ETNK1: variants seen among roughly 807,000 people sequenced by gnomAD.
ETNK1 encodes the protein ethanolamine kinase 1.
Under a neutral mutation model 45.1 loss-of-function variants are expected in ETNK1, and 8 were observed. That is an observed-to-expected ratio of 0.18 (90% CI 0.10 to 0.32). The LOEUF (loss-of-function observed/expected upper bound fraction) is 0.32, where lower values mean the gene tolerates loss of function less well. ETNK1 is among the 10% of genes least tolerant of loss of function. ETNK1 has a pLI of 1.00. For synonymous variants in ETNK1, 152 were observed against 151.9 expected (o/e 1.00, Z -0.01); for missense variants, 302 against 430.6 (o/e 0.70, Z 2.64).
In ETNK1 at chr12:22,664,523, C is replaced by A. The variant is rs932673422; in HGVS notation, c.700+3318C>A. Among the ~76,000 whole-genome samples the A allele has an allele frequency of 1.3e-4, 20 of 152,032 alleles. 1 individual carries two copies. Among genetic ancestry groups the A allele is most frequent in the African/African-American group, 4.8e-4 (20 of 41,412 alleles). On this transcript the variant is annotated intron_variant, in intron 4 of 7. Transcript: ENST00000266517. ...ACCCTGCAATTTGTAGGCATTTTTA[C>A]ATGTGAATGTTATTGGAACTGGTAG...
Position 22,690,623 on chromosome 12 carries a change from A to G in ETNK1, c.*5669A>G, listed in dbSNP as rs1313577761. The G allele has an allele frequency of 6.6e-6, 1 of 152,538 alleles. No individual in the cohort carries two copies. Among genetic ancestry groups the G allele is most frequent in the Non-Finnish European group, 1.5e-5 (1 of 67,948 alleles). 9.4% of individuals were successfully genotyped at this position (152,538 alleles called of 1,614,324 possible). A position where few individuals can be genotyped will look rare whatever the true frequency, so the allele number is the denominator to read the frequency against. On this transcript the variant is annotated 3_prime_UTR_variant, in exon 8 of 8. Transcript: ENST00000266517. The stretch of plus-strand genomic sequence containing the variant: ...CTTTTTGAAGAGATTTATATTCTGT[A>G]AATAAAAATTCGTTGTAACAATAAA...
chr12:22,673,521 G>T lies in ETNK1; in HGVS notation c.806G>T (p.Ser269Ile), dbSNP rs763857543. Residue 269 changes from serine (S) to isoleucine (I), a missense_variant, in exon 6 of 8, where the codon AGT becomes ATT. Around this residue, in one of 3 missense-constraint regions of ETNK1, gnomAD observed 94 missense variants for 152.9 expected, o/e 0.61. Transcript: ENST00000266517. Reference sequence around the variant, plus strand: ...AAAGGTGTGAGTGATGTAGACTATAGTCTGTATCCAGATAGAGAACTACAG... The same window carrying T: ...AAAGGTGTGAGTGATGTAGACTATATTCTGTATCCAGATAGAGAACTACAG... ...EFAGVSDVDY[S>I]LYPDRELQSQ... is the part of the protein sequence containing the mutation. 10 of 1,613,102 alleles carry T rather than the reference G, an allele frequency of 6.2e-6. No homozygotes were observed. The highest frequency in any genetic ancestry group is 7.6e-6 in the Non-Finnish European group (9 of 1,179,420).
At chr12:22,625,730 T>C (rs1222423790) in intron 1 of ETNK1, 144 bp downstream of exon 1, 12 of 1,218,360 alleles carry the variant, frequency 9.8e-6, no homozygotes, top group Admixed American at 4.0e-5. Flanking sequence ...ACCCTGTATT[T>C]CCCCTCACAC....
intron 2 of ETNK1, among the ~76,000 whole-genome samples, chr12:22,658,809 C>T (rs552357885): frequency 6.6e-6 from 1 of 152,198 alleles, no homozygotes; most frequent in South Asian, 2.1e-4. Flanking sequence ...GGATAAGGAA[C>T]CTGATCAGAT....
In ETNK1 at chr12:22,652,078, A is replaced by C. The variant is rs1299138027; in HGVS notation, c.417-6936A>C. 3.3e-5 allele frequency among the ~76,000 whole-genome samples: 5 copies of C among 152,110 alleles called. 1 individual carries two copies. The highest frequency in any genetic ancestry group is 7.4e-5 in the Non-Finnish European group (5 of 68,024). On this transcript the variant is annotated intron_variant, in intron 2 of 7. Transcript: ENST00000266517. ...TCTATCCCTAGGAATTTGACTACTT[A>C]GGTACATCATGTTAGTGGAATCATG...
At chr12:22,683,019 A>C (rs1183852779) in intron 6 of ETNK1, among the ~76,000 whole-genome samples, 6 of 152,188 alleles carry the variant, frequency 3.9e-5, no homozygotes, top group Non-Finnish European at 7.3e-5. Context: ...GGTTTCATAT[A>C]GTAAGAATAG....
chr12:22,668,168 C>T (rs1363749901), intron 4 of ETNK1, among the ~76,000 whole-genome samples: 1 of 152,144 alleles, frequency 6.6e-6, no homozygotes, highest in African/African-American at 2.4e-5. Context: ...TGCACATACA[C>T]ATAAAATTTT....
At chr12:22,667,490 C>A (rs576723358) in intron 4 of ETNK1, among the ~76,000 whole-genome samples, 13 of 152,140 alleles carry the variant, frequency 8.5e-5, no homozygotes, top group Non-Finnish European at 1.8e-4. Context: ...CAGATACTTA[C>A]ATTTAGAATG....
intron 2 of ETNK1, chr12:22,644,345 A>T (rs755934377): frequency 1.3e-6 from 2 of 1,511,080 alleles, no homozygotes; most frequent in African/African-American, 2.8e-5. Flanking sequence ...CTTACTGCCG[A>T]TTGCTTATTA....
At position 22,656,869 on chromosome 12, in the gene ETNK1, C is replaced by A. The variant is rs141874979; in HGVS notation, c.417-2145C>A. ...ATCTGTTTCATTTCAGTAAATATTT[C>A]TAAGATATAATATTCTGTTGACATA... On this transcript the variant is annotated intron_variant, in intron 2 of 7. Coordinates refer to ENST00000266517, the MANE Select transcript of ETNK1 (RefSeq NM_018638.5). The A allele has an allele frequency of 1.3e-5, 12 of 891,310 alleles. No homozygotes were observed. In the East Asian group the frequency reaches 9.5e-4, roughly 71 times the overall value. The allele number at this position is 891,310 out of a possible 1,614,324, so 55.2% of individuals were successfully genotyped here.
chr12:22,659,306 G>A (rs1281126431), intron 3 of ETNK1, 152 bp downstream of exon 3: 1 of 820,902 alleles, frequency 1.2e-6, no homozygotes, highest in Non-Finnish European at 1.8e-6. Context: ...CTGTCAGATA[G>A]CACTACAGAA....
chr12:22,625,220 G>A lies in ETNK1; in HGVS notation c.-211G>A, dbSNP rs1227492748. On this transcript the variant is annotated 5_prime_UTR_variant, in exon 1 of 8. Transcript: ENST00000266517. ...ACAACAGGAATTTTCTCCGAGAGCG[G>A]GCCGGGCTCAGTTCAGCTGCTGTCC... 4 of 1,611,276 alleles carry A rather than the reference G, an allele frequency of 2.5e-6. No individual in the cohort carries two copies. The highest frequency in any genetic ancestry group is 3.4e-6 in the Non-Finnish European group (4 of 1,179,010).
At position 22,658,922 on chromosome 12, in the gene ETNK1, G is replaced by A. The variant is rs1953971705; in HGVS notation, c.417-92G>A. ...GGTAGGTCTACAAGAAGATTCGGGA[G>A]ACTGACTAAAGTTTCATCAAGAATC... On this transcript the variant is annotated intron_variant, in intron 2 of 7. Coordinates refer to ENST00000266517, the MANE Select transcript of ETNK1 (RefSeq NM_018638.5). 8 of 1,338,342 alleles carry A rather than the reference G, an allele frequency of 6.0e-6. No individual in the cohort carries two copies. The South Asian group carries it at 7.0e-5, about 12-fold the overall frequency. The allele number at this position is 1,338,342 out of a possible 1,614,324, so 82.9% of individuals were successfully genotyped here.
At chr12:22,644,227 C>T in intron 2 of ETNK1, 1 of 1,605,360 alleles carries the variant, frequency 6.2e-7, no homozygotes, top group Non-Finnish European at 8.5e-7. Flanking sequence ...ATCGTTGACT[C>T]TTTGCAAAGG....
intron 6 of ETNK1, among the ~76,000 whole-genome samples, chr12:22,676,421 G>A (rs370524935): frequency 3.9e-5 from 6 of 152,164 alleles, no homozygotes; most frequent in East Asian, 3.9e-4. Flanking sequence ...ATGGGCATTT[G>A]GGTTGGTTCC....
chr12:22,678,809 C>T (rs1383904356), intron 6 of ETNK1, among the ~76,000 whole-genome samples: 3 of 152,230 alleles, frequency 2.0e-5, no homozygotes, highest in African/African-American at 4.8e-5. Context: ...TTCAAAGCTC[C>T]AAGGCCTGTA....
intron 6 of ETNK1, among the ~76,000 whole-genome samples, chr12:22,683,205 G>A (rs190230211): frequency 7.0e-4 from 106 of 151,476 alleles, no homozygotes; most frequent in African/African-American, 2.5e-3. Context: ...TTTAGTCTTT[G>A]CTACATTGTT....
intron 2 of ETNK1, among the ~76,000 whole-genome samples, chr12:22,646,806 G>A (rs919277828): frequency 6.6e-6 from 1 of 151,786 alleles, no homozygotes; most frequent in Non-Finnish European, 1.5e-5. Flanking sequence ...TAGTCTGGGG[G>A]AGGAAGAAGA....
chr12:22,657,691 A>G (rs1953959250), intron 2 of ETNK1, among the ~76,000 whole-genome samples: 1 of 152,156 alleles, frequency 6.6e-6, no homozygotes, highest in Admixed American at 6.5e-5. Flanking sequence ...TATGTGCTGA[A>G]CCAGTCACTG....
Sources: gnomAD v4.1 joint callset for allele counts (sites outside exome capture counted in the v4.1 genomes callset) on GRCh38, gnomAD v4.1.1 for gene constraint, gnomAD v4.1.1 regional missense constraint, MANE v1.5 for transcripts, NCBI Gene and HGNC (gene_info 2026-07-23, HGNC 2026-07-21) for gene names.